Variants in PRKACB observed in about 807,000 individuals in gnomAD.
The protein encoded by PRKACB is cAMP-dependent protein kinase catalytic subunit beta.
Under a neutral mutation model 51.4 loss-of-function variants are expected in PRKACB, and 16 were observed. The observed-to-expected ratio is 0.31, with a 90% CI of 0.21 to 0.47. The LOEUF (loss-of-function observed/expected upper bound fraction) is 0.47, where lower values mean the gene tolerates loss of function less well. Among genes scored for constraint, PRKACB ranks in the 20% least tolerant of loss-of-function variants. The pLI, the probability that PRKACB is intolerant of heterozygous loss-of-function variation, is 1.00. For synonymous variants in PRKACB, 147 were observed against 154.4 expected (o/e 0.95, Z 0.35); for missense variants, 309 against 464.5 (o/e 0.67, Z 3.08).
At chr1:84,172,155 A>G (rs1659720651) in intron 1 of PRKACB, among the ~76,000 whole-genome samples, 1 of 151,778 alleles carries the variant, frequency 6.6e-6, no homozygotes, top group African/African-American at 2.4e-5. Flanking sequence ...GCTACCATTT[A>G]CTGAGTCATT....
intron 1 of PRKACB, among the ~76,000 whole-genome samples, chr1:84,154,541 G>A (rs1318040731): frequency 6.6e-6 from 1 of 152,004 alleles, no homozygotes; most frequent in African/African-American, 2.4e-5. Flanking sequence ...ACTGAAGAAG[G>A]GGAAATACTT....
chr1:84,190,999 G>A (rs1348513712), intron 5 of PRKACB, among the ~76,000 whole-genome samples: 24 of 151,926 alleles, frequency 1.6e-4, no homozygotes, highest in Non-Finnish European at 1.8e-4. Context: ...CTTTTAAGTG[G>A]GTCATTTAGA....
At chr1:84,186,353 G>A (rs1665105955) in intron 5 of PRKACB, among the ~76,000 whole-genome samples, 1 of 151,924 alleles carries the variant, frequency 6.6e-6, no homozygotes, top group Non-Finnish European at 1.5e-5. Context: ...CGAGTAGCTG[G>A]GACTAGAGGT....
intron 1 of PRKACB, among the ~76,000 whole-genome samples, chr1:84,152,892 T>C (rs1655010173): frequency 6.6e-6 from 1 of 152,214 alleles, no homozygotes; most frequent in African/African-American, 2.4e-5. Flanking sequence ...ATTCTCAGCT[T>C]GGCTGTATGG....
chr1:84,139,905 A>T (rs577002437), upstream of PRKACB, among the ~76,000 whole-genome samples: 9 of 152,174 alleles, frequency 5.9e-5, no homozygotes, highest in South Asian at 2.1e-4. Context: ...AAAAATAATT[A>T]AAAAATTAGT....
chr1:84,146,140 GT>G (rs149821464), intron 1 of PRKACB, among the ~76,000 whole-genome samples: 30,264 of 145,414 alleles, frequency 0.21, 3,774 homozygotes, highest in Non-Finnish European at 0.29. Context: ...ATAAAATGCT[GT>G]TTTGTTTTTT....
At position 84,173,565 on chromosome 1, in the gene PRKACB, G is replaced by T. The variant is rs943207330; in HGVS notation, c.188-5612G>T. Among the ~76,000 whole-genome samples, 3 of 151,630 alleles carry T rather than the reference G, an allele frequency of 2.0e-5. No homozygotes were observed. The South Asian group carries it at 6.2e-4, about 31-fold the overall frequency. Reference sequence around the variant, plus strand: ...CTCTAAAGAGGTAGATATTTGAATAGGGGTGGAAGAAGATGGACTAATGCA... The same window carrying T: ...CTCTAAAGAGGTAGATATTTGAATATGGGTGGAAGAAGATGGACTAATGCA... On this transcript the variant is annotated intron_variant, in intron 1 of 9. Transcript: ENST00000370685.
At chr1:84,104,084 A>AT (rs964238841) in intron 1 of PRKACB, among the ~76,000 whole-genome samples, 5 of 152,110 alleles carry the variant, frequency 3.3e-5, no homozygotes, top group African/African-American at 9.7e-5. Flanking sequence ...TCTAGCTGTG[A>AT]TTTTTTATCA....
intron 1 of PRKACB, among the ~76,000 whole-genome samples, chr1:84,134,495 A>G (rs1652593299): frequency 1.3e-5 from 2 of 152,240 alleles, no homozygotes; most frequent in African/African-American, 4.8e-5. Flanking sequence ...CCTGTACTGC[A>G]AAGAAAACAG....
intron 8 of PRKACB, among the ~76,000 whole-genome samples, chr1:84,203,345 T>G (rs1220199878): frequency 1.3e-5 from 2 of 152,060 alleles, no homozygotes; most frequent in African/African-American, 4.8e-5. Flanking sequence ...GGAAATAACA[T>G]TAATTTTTCT....
At chr1:84,196,569 G>T in intron 5 of PRKACB, 47 bp from the exon 6 acceptor site, 1 of 1,586,620 alleles carries the variant, frequency 6.3e-7, no homozygotes, top group Non-Finnish European at 8.6e-7. Context: ...TAATTAGAAT[G>T]TATTAACTCA....
At chr1:84,125,763 GC>G (rs200553275) in intron 1 of PRKACB, among the ~76,000 whole-genome samples, 1,693 of 152,176 alleles carry the variant, frequency 0.011, 38 homozygotes, top group African/African-American at 0.039. Flanking sequence ...AATTTAGAAG[GC>G]AGTGATGTGT....
At chr1:84,086,261 GCCCC>G in intron 1 of PRKACB, 3 of 1,457,398 alleles carry the variant, frequency 2.1e-6, no homozygotes, top group Non-Finnish European at 2.9e-6. Flanking sequence ...TGGTTCCCTT[GCCCC>G]CATGGGACCC....
At chr1:84,175,087 T>A (rs1420508652) in intron 1 of PRKACB, 7 of 1,414,176 alleles carry the variant, frequency 4.9e-6, no homozygotes, top group Non-Finnish European at 5.5e-6. Flanking sequence ...AAAACAAATA[T>A]TACCTTTAAA....
intron 1 of PRKACB, among the ~76,000 whole-genome samples, chr1:84,128,871 T>C (rs991969855): frequency 2.0e-5 from 3 of 152,200 alleles, no homozygotes; most frequent in Admixed American, 6.5e-5. Flanking sequence ...TCTACACATG[T>C]AGCCATTTAG....
intron 7 of PRKACB, 72 bp downstream of exon 7, chr1:84,197,896 A>G: frequency 9.6e-7 from 1 of 1,037,398 alleles, no homozygotes; most frequent in Non-Finnish European, 1.4e-6. Flanking sequence ...TTGTAAAAAC[A>G]GTTTATTGAT....
At chr1:84,179,311 T>C in intron 2 of PRKACB, 73 bp downstream of exon 2, 1 of 1,434,424 alleles carries the variant, frequency 7.0e-7, no homozygotes, top group Non-Finnish European at 9.2e-7. Flanking sequence ...CCTAAGAAAT[T>C]TATTACTTTA....
chr1:84,189,197 A>G (rs1666043589), intron 5 of PRKACB, among the ~76,000 whole-genome samples: 1 of 151,870 alleles, frequency 6.6e-6, no homozygotes, highest in East Asian at 1.9e-4. Context: ...CTTGAATTTA[A>G]TCAGACACAG....
At chr1:84,120,220 T>G (rs1227775627) in intron 1 of PRKACB, among the ~76,000 whole-genome samples, 1 of 152,102 alleles carries the variant, frequency 6.6e-6, no homozygotes, top group Non-Finnish European at 1.5e-5. Flanking sequence ...ATGTCTCAAC[T>G]GTTAAAGAGT....
Sources: gnomAD v4.1 joint callset for allele counts (sites outside exome capture counted in the v4.1 genomes callset) on GRCh38, gnomAD v4.1.1 for gene constraint, MANE v1.5 for transcripts, NCBI Gene and HGNC (gene_info 2026-07-23, HGNC 2026-07-21) for gene names.